The following AGAP1 variants were observed in gnomAD, a reference collection of about 807,000 sequenced individuals.
The protein encoded by AGAP1 is arf-GAP with GTPase, ANK repeat and PH domain-containing protein 1.
A neutral mutation model predicts 105.3 loss-of-function variants in AGAP1; 29 were observed. The observed-to-expected ratio is 0.28, with a 90% CI of 0.21 to 0.38. AGAP1 has a LOEUF of 0.38. Ranked by LOEUF, AGAP1 falls within the 10% of genes least tolerant of loss-of-function variation. AGAP1 has a pLI of 1.00. For missense variants in AGAP1, 998 were observed against 1,165.1 expected, an observed-to-expected ratio of 0.86 and a Z score of 2.09; for synonymous variants, 509 against 485.9, an observed-to-expected ratio of 1.05 and a Z score of -0.63.
intron 16 of AGAP1, among the ~76,000 whole-genome samples, chr2:236,064,527 C>G (rs1012007526): frequency 6.6e-6 from 1 of 152,142 alleles, no homozygotes; most frequent in Non-Finnish European, 1.5e-5. Flanking sequence ...ACTCGGGAGG[C>G]GGAGGTTGCA....
In AGAP1 at chr2:235,993,853, A is replaced by G. The variant is rs755089292; in HGVS notation, c.1645+25230A>G. On this transcript the variant is annotated intron_variant, in intron 13 of 17. Coordinates refer to ENST00000304032, the MANE Select transcript of AGAP1 (RefSeq NM_001037131.3). The surrounding 1 kb of genome is among the most constrained non-coding windows in gnomAD (Gnocchi z 5.0). Reference sequence around the variant, plus strand: ...GGAGAAAGTGGAGTTTTAATTACTTACCCAGCAACATTCAGGACGTCCTGA... The same window carrying G: ...GGAGAAAGTGGAGTTTTAATTACTTGCCCAGCAACATTCAGGACGTCCTGA... Among the ~76,000 whole-genome samples the G allele has an allele frequency of 2.0e-5, 3 of 152,264 alleles. No homozygotes were observed. The highest frequency in any genetic ancestry group is 2.1e-4 in the South Asian group (1 of 4,818).
intron 1 of AGAP1, among the ~76,000 whole-genome samples, chr2:235,540,266 T>G (rs1257602841): frequency 6.6e-6 from 1 of 150,866 alleles, no homozygotes; most frequent in Non-Finnish European, 1.5e-5. Context: ...TTCTCGTGCC[T>G]CAGCTTCCCA....
rs752426539 is a variant in AGAP1, at chr2:235,993,205, A to G, written c.1645+24582A>G. On this transcript the variant is annotated intron_variant, in intron 13 of 17. Coordinates refer to ENST00000304032, the MANE Select transcript of AGAP1 (RefSeq NM_001037131.3). This position sits in a 1 kb window ranked among gnomAD's most constrained non-coding sequence, Gnocchi z 5.0. The stretch of plus-strand genomic sequence containing the variant: ...CAAACTGTTTGTGGGGAGGAGGGTG[A>G]TTTGCAGTGATCTTTTCCTCAACTC... Among the ~76,000 whole-genome samples, 35 of 152,234 alleles carry G rather than the reference A, an allele frequency of 2.3e-4. No homozygotes were observed. Among genetic ancestry groups the G allele is most frequent in the Admixed American group, 4.6e-4 (7 of 15,294 alleles).
chr2:235,550,029 A>T lies in AGAP1; in HGVS notation c.163+55180A>T, dbSNP rs1943753938. ...TCTTTGGTGTCTGCAGCTGTATAAT[A>T]TGATGGATGTCCTTGTATTGTACAT... On this transcript the variant is annotated intron_variant, in intron 1 of 17. Coordinates refer to ENST00000304032, the MANE Select transcript of AGAP1 (RefSeq NM_001037131.3). The surrounding 1 kb of genome is among the most constrained non-coding windows in gnomAD (Gnocchi z 4.6). Among the ~76,000 whole-genome samples, 3 of 152,162 alleles carry T rather than the reference A, an allele frequency of 2.0e-5. No individual in the cohort carries two copies. Among genetic ancestry groups the T allele is most frequent in the Admixed American group, 1.3e-4 (2 of 15,286 alleles).
chr2:235,746,913 C>T (rs1314711113), intron 5 of AGAP1, among the ~76,000 whole-genome samples: 1 of 152,126 alleles, frequency 6.6e-6, no homozygotes, highest in African/African-American at 2.4e-5. Context: ...AGTACACATC[C>T]ATGTTCCATC....
chr2:235,542,800 G>C (rs1943489193), intron 1 of AGAP1, among the ~76,000 whole-genome samples: 1 of 152,136 alleles, frequency 6.6e-6, no homozygotes, highest in African/African-American at 2.4e-5. Flanking sequence ...TGCCCTGCAG[G>C]CCCCATGGTG....
rs116431608 is a variant in AGAP1 at position 235,776,927 on chromosome 2, C to T, written c.674-20832C>T. 8.5e-3 allele frequency: 4,018 copies of T among 471,056 alleles called. 117 individuals carry two copies. Among genetic ancestry groups the T allele is most frequent in the African/African-American group, 0.071 (3,577 of 50,180 alleles). 29.2% of individuals were successfully genotyped at this position (471,056 alleles called of 1,614,324 possible). ...TTTTCCGCCAAACTGGAATCAGCCT[C>T]GGAGCAGGAAAAGCTGGGGCCGTGC... On this transcript the variant is annotated intron_variant, in intron 6 of 17. Transcript: ENST00000304032.
chr2:235,678,350 T>A (rs1269870077), intron 1 of AGAP1, among the ~76,000 whole-genome samples: 1 of 152,196 alleles, frequency 6.6e-6, no homozygotes, highest in Non-Finnish European at 1.5e-5. Context: ...GAGGCTTTGT[T>A]CCTAGTATTA....
intron 12 of AGAP1, among the ~76,000 whole-genome samples, chr2:235,945,822 G>GC (rs1445032381): frequency 3.3e-5 from 5 of 151,020 alleles, no homozygotes; most frequent in African/African-American, 1.2e-4. Context: ...TTGGCTTCCG[G>GC]GGGGGTGCCT....
Position 235,953,704 on chromosome 2 carries a change from A to G in AGAP1, c.1484-14758A>G, listed in dbSNP as rs376051765. Among the ~76,000 whole-genome samples the G allele has an allele frequency of 6.6e-5, 10 of 152,300 alleles. No homozygotes were observed. In the East Asian group the frequency reaches 9.7e-4, roughly 15 times the overall value. The stretch of plus-strand genomic sequence containing the variant: ...TCAGTGCTTTGGGAGGCCAAAGCAG[A>G]AGGATCACTCAAGCTAGGAGTTTGA... On this transcript the variant is annotated intron_variant, in intron 12 of 17. Transcript: ENST00000304032. This position sits in a 1 kb window ranked among gnomAD's most constrained non-coding sequence, Gnocchi z 5.2.
At chr2:235,539,877 C>G (rs148074648) in intron 1 of AGAP1, among the ~76,000 whole-genome samples, 4 of 152,078 alleles carry the variant, frequency 2.6e-5, no homozygotes, top group Non-Finnish European at 5.9e-5. Context: ...CACTTGTTTT[C>G]GGGATAGGAA....
intron 8 of AGAP1, among the ~76,000 whole-genome samples, chr2:235,802,995 G>GTGGTGATGGTTGTGA (rs1957614182): frequency 1.4e-5 from 2 of 142,916 alleles, no homozygotes; most frequent in Non-Finnish European, 3.2e-5. Flanking sequence ...GGTTGTGATG[G>GTGGTGATGGTTGTGA]TGGTGATGGT....
chr2:235,894,838 A>C (rs1448606470), intron 10 of AGAP1, among the ~76,000 whole-genome samples: 1 of 152,190 alleles, frequency 6.6e-6, no homozygotes, highest in African/African-American at 2.4e-5. Context: ...GCTGGGAATC[A>C]GTTGTGGTTT....
chr2:236,130,308 A>G lies in AGAP1; in HGVS notation c.*6186A>G, dbSNP rs2060065677. On this transcript the variant is annotated 3_prime_UTR_variant, in exon 18 of 18. Transcript: ENST00000304032. The surrounding 1 kb of genome is among the most constrained non-coding windows in gnomAD (Gnocchi z 5.8). The stretch of plus-strand genomic sequence containing the variant: ...CCCAACCTGAGGATGGTGAAACCAT[A>G]TGATAGAGACTCCTTGTCGAAGTCC... 1 of 152,042 alleles carries G rather than the reference A, an allele frequency of 6.6e-6. No individual in the cohort carries two copies. Among genetic ancestry groups the G allele is most frequent in the African/African-American group, 2.4e-5 (1 of 41,368 alleles). 9.4% of individuals were successfully genotyped at this position (152,042 alleles called of 1,614,324 possible).
chr2:236,025,908 G>GTGGATGGATGGATGGATGGATGGA (rs1553548831), intron 13 of AGAP1, among the ~76,000 whole-genome samples: 2 of 100,302 alleles, frequency 2.0e-5, no homozygotes, highest in African/African-American at 1.0e-4. Flanking sequence ...TCTCGGGTGG[G>GTGGATGGATGGATGGATGGATGGA]TGGATGGATG....
chr2:235,679,964 G>A (rs1041811728), intron 1 of AGAP1, among the ~76,000 whole-genome samples: 9 of 152,222 alleles, frequency 5.9e-5, no homozygotes, highest in Admixed American at 4.6e-4. Flanking sequence ...GATCTGTGTT[G>A]TACTGACGCT....
intron 1 of AGAP1, among the ~76,000 whole-genome samples, chr2:235,606,720 G>A (rs556218118): frequency 6.6e-6 from 1 of 152,180 alleles, no homozygotes; most frequent in African/African-American, 2.4e-5. Flanking sequence ...GGCTGAGACG[G>A]GCAGATCACC....
At chr2:235,911,920 G>A (rs2051638164) in intron 11 of AGAP1, among the ~76,000 whole-genome samples, 1 of 152,262 alleles carries the variant, frequency 6.6e-6, no homozygotes, top group Non-Finnish European at 1.5e-5. Flanking sequence ...CAGAGGCGTT[G>A]CCACTTTGGG....
At chr2:235,913,474 G>A (rs561774439) in intron 11 of AGAP1, among the ~76,000 whole-genome samples, 4 of 151,566 alleles carry the variant, frequency 2.6e-5, no homozygotes, top group African/African-American at 9.7e-5. Context: ...AATTCCATAT[G>A]TTGCCTTTGT....
Sources: gnomAD v4.1 joint callset for allele counts (sites outside exome capture counted in the v4.1 genomes callset) on GRCh38, gnomAD v4.1.1 for gene constraint, Gnocchi (gnomAD v3.1) non-coding constraint, MANE v1.5 for transcripts, NCBI Gene and HGNC (gene_info 2026-07-23, HGNC 2026-07-21) for gene names.